Variants in MARK1 observed in about 807,000 individuals in gnomAD.
The protein encoded by MARK1 is microtubule affinity regulating kinase 1.
In MARK1, 40 loss-of-function variants were observed where a neutral mutation model predicts 96.3. That is an observed-to-expected ratio of 0.42 (90% CI 0.32 to 0.54). The LOEUF (loss-of-function observed/expected upper bound fraction) is 0.54. MARK1 is among the 20% of genes least tolerant of loss of function. The pLI is 0.16. For synonymous variants in MARK1, 317 were observed against 341.2 expected, an observed-to-expected ratio of 0.93 and a Z score of 0.78; for missense variants, 719 against 984.6, an observed-to-expected ratio of 0.73 and a Z score of 3.61.
intron 1 of MARK1, among the ~76,000 whole-genome samples, chr1:220,551,046 A>G (rs2102742101): frequency 6.6e-6 from 1 of 152,302 alleles, no homozygotes; most frequent in Non-Finnish European, 1.5e-5. Context: ...GAGTAAAACA[A>G]ATTAGAACCT....
intron 1 of MARK1, among the ~76,000 whole-genome samples, chr1:220,529,422 G>C (rs1273731412): frequency 1.3e-5 from 2 of 152,188 alleles, no homozygotes; most frequent in East Asian, 3.9e-4. Flanking sequence ...AGATGTGTGC[G>C]TGTTTGTGTA....
rs202212864 is a variant in MARK1 at position 220,635,341 on chromosome 1, T to G, written c.1123-35T>G. The G allele has an allele frequency of 3.4e-3, 5,094 of 1,505,618 alleles. 5 individuals are homozygous for G. Among genetic ancestry groups the G allele is most frequent in the Admixed American group, 4.9e-3 (205 of 41,796 alleles). 93.3% of individuals were successfully genotyped at this position (1,505,618 alleles called of 1,614,324 possible). On this transcript the variant is annotated intron_variant, in intron 11 of 17. Coordinates refer to ENST00000366917, the MANE Select transcript of MARK1 (RefSeq NM_018650.5). ...TGTGCAAACTTTTTTTTTTTTTTTT[T>G]TGCTTTAAAATCCCTGTGGTTTTTC...
chr1:220,650,755 CTGT>C (rs775305638), intron 14 of MARK1, 35 bp downstream of exon 14: 8 of 1,472,928 alleles, frequency 5.4e-6, no homozygotes, highest in South Asian at 1.1e-5. Context: ...AATACCTTTG[CTGT>C]TGTTCTGTGT....
intron 5 of MARK1, among the ~76,000 whole-genome samples, chr1:220,600,097 A>G (rs1665640517): frequency 6.6e-6 from 1 of 152,092 alleles, no homozygotes; most frequent in Non-Finnish European, 1.5e-5. Context: ...ATTTTTTGAA[A>G]CGTTAAATTT....
chr1:220,601,393 A>G (rs1180486610), intron 5 of MARK1, among the ~76,000 whole-genome samples: 1 of 149,338 alleles, frequency 6.7e-6, no homozygotes, highest in Non-Finnish European at 1.5e-5. Context: ...AATGTTTATT[A>G]TGATAGGATT....
intron 2 of MARK1, 121 bp downstream of exon 2, chr1:220,579,678 G>T: frequency 1.4e-6 from 1 of 721,786 alleles, no homozygotes; most frequent in Non-Finnish European, 2.4e-6. Context: ...ACTGGGGTGT[G>T]TGTGAATGGA....
intron 16 of MARK1, 102 bp downstream of exon 16, chr1:220,653,454 T>TG: frequency 4.9e-6 from 6 of 1,232,846 alleles, no homozygotes; most frequent in Non-Finnish European, 5.5e-6. Flanking sequence ...AATGGTTTCA[T>TG]AACATTTCAT....
chr1:220,619,511 C>T (rs1666940630), intron 9 of MARK1, among the ~76,000 whole-genome samples: 1 of 152,060 alleles, frequency 6.6e-6, no homozygotes, highest in Admixed American at 6.6e-5. Flanking sequence ...ATAGAAACCT[C>T]TCAACTTTAG....
intron 6 of MARK1, among the ~76,000 whole-genome samples, chr1:220,604,376 T>G (rs1308245333): frequency 1.3e-5 from 2 of 152,036 alleles, no homozygotes; most frequent in African/African-American, 2.4e-5. Context: ...GAGACTCACC[T>G]TATTAAGACT....
intron 6 of MARK1, among the ~76,000 whole-genome samples, chr1:220,614,463 T>G (rs531739075): frequency 6.6e-6 from 1 of 152,186 alleles, no homozygotes; most frequent in East Asian, 1.9e-4. Flanking sequence ...CTTTATTTTT[T>G]ATGATTCTCT....
chr1:220,552,257 A>G (rs1032627186), intron 1 of MARK1, among the ~76,000 whole-genome samples: 1 of 152,190 alleles, frequency 6.6e-6, no homozygotes, highest in Non-Finnish European at 1.5e-5. Context: ...AGCAGAACCC[A>G]AAGTTGTAGG....
chr1:220,591,954 C>A (rs1489101557), intron 3 of MARK1, among the ~76,000 whole-genome samples: 1 of 151,920 alleles, frequency 6.6e-6, no homozygotes, highest in East Asian at 1.9e-4. Context: ...CTTGCCCACA[C>A]CTAGCTGGAC....
chr1:220,547,024 A>T (rs1005345352), intron 1 of MARK1, among the ~76,000 whole-genome samples: 2 of 152,154 alleles, frequency 1.3e-5, no homozygotes, highest in African/African-American at 2.4e-5. Flanking sequence ...CTATAGGAAT[A>T]GAAAGCAAAA....
chr1:220,653,777 A>G (rs926208806), intron 16 of MARK1, among the ~76,000 whole-genome samples: 7 of 151,968 alleles, frequency 4.6e-5, no homozygotes, highest in African/African-American at 1.7e-4. Flanking sequence ...CCTACACACC[A>G]GAGTCACAGA....
intron 1 of MARK1, among the ~76,000 whole-genome samples, chr1:220,531,192 T>G (rs1660293212): frequency 6.6e-6 from 1 of 152,188 alleles, no homozygotes; most frequent in Non-Finnish European, 1.5e-5. Flanking sequence ...CATCATCCAT[T>G]TTTACTTCTC....
intron 3 of MARK1, among the ~76,000 whole-genome samples, chr1:220,589,582 A>G (rs1365905380): frequency 3.9e-5 from 6 of 152,206 alleles, no homozygotes; most frequent in African/African-American, 1.4e-4. Flanking sequence ...CTGAACAACT[A>G]GAATAGCTGT....
At chr1:220,637,342 C>T (rs1668022448) in intron 13 of MARK1, among the ~76,000 whole-genome samples, 1 of 152,130 alleles carries the variant, frequency 6.6e-6, no homozygotes, top group Non-Finnish European at 1.5e-5. Flanking sequence ...TAAACAAACA[C>T]ATGCCTTGTT....
At position 220,651,951 on chromosome 1, in the gene MARK1, T is replaced by A; in HGVS notation, c.1572-35T>A. Reference sequence around the variant, plus strand: ...AGTAAACCACAAATTTTCCTCTTTTTTTCCATGGTCTTCTCAACTGCTTTA... The same window carrying A: ...AGTAAACCACAAATTTTCCTCTTTTATTCCATGGTCTTCTCAACTGCTTTA... On this transcript the variant is annotated intron_variant, in intron 14 of 17. Transcript: ENST00000366917. 2.7e-6 allele frequency: 4 copies of A among 1,456,184 alleles called. No homozygotes were observed. The African/African-American group carries it at 5.6e-5, about 21-fold the overall frequency. 90.2% of individuals were successfully genotyped at this position (1,456,184 alleles called of 1,614,324 possible).
intron 14 of MARK1, 121 bp from the exon 15 acceptor site, chr1:220,651,852 AGTTTCTTTCAAAT>A: frequency 1.8e-6 from 1 of 547,072 alleles, no homozygotes; most frequent in Non-Finnish European, 3.1e-6. Context: ...CACTAATGTT[AGTTTCTTTCAAAT>A]GTTTCAGTCA....
Sources: allele counts gnomAD v4.1 joint callset (sites outside exome capture counted in the v4.1 genomes callset), GRCh38; gene constraint gnomAD v4.1.1; transcripts MANE v1.5; gene names NCBI Gene and HGNC (gene_info 2026-07-23, HGNC 2026-07-21).